MMP20: variants seen among roughly 807,000 people sequenced by gnomAD.
MMP20 encodes matrix metallopeptidase 20, also known as matrix metalloproteinase-20.
A neutral mutation model predicts 51.8 loss-of-function variants in MMP20; 50 were observed. The observed-to-expected ratio is 0.97, with a 90% CI of 0.77 to 1.22. The LOEUF is 1.22. Among genes scored for constraint, MMP20 ranks in the 50% most tolerant of loss-of-function variants. MMP20 has a pLI of 0.00. For synonymous variants in MMP20, 244 were observed against 216.2 expected (o/e 1.13, Z -1.13); for missense variants, 663 against 601.4 (o/e 1.10, Z -1.07).
chr11:102,599,709 A>G (rs1238498280), intron 6 of MMP20, among the ~76,000 whole-genome samples: 4 of 152,210 alleles, frequency 2.6e-5, no homozygotes, highest in Non-Finnish European at 5.9e-5. Flanking sequence ...TTGAAGTACA[A>G]ACTGTCATGT....
At chr11:102,591,588 T>C (rs1263154779) in intron 8 of MMP20, among the ~76,000 whole-genome samples, 2 of 152,326 alleles carry the variant, frequency 1.3e-5, no homozygotes, top group African/African-American at 2.4e-5. Context: ...AGGTTAGAAG[T>C]GCCTACGATG....
At chr11:102,611,700 A>G in intron 3 of MMP20, 55 bp downstream of exon 3, 1 of 1,593,188 alleles carries the variant, frequency 6.3e-7, no homozygotes, top group Non-Finnish European at 8.6e-7. Flanking sequence ...TAGAAGGAAC[A>G]GTATTGGGAC....
intron 8 of MMP20, among the ~76,000 whole-genome samples, chr11:102,586,072 T>G (rs1423483902): frequency 2.0e-5 from 3 of 152,180 alleles, no homozygotes; most frequent in Admixed American, 2.0e-4. Flanking sequence ...TTTTTTGTCA[T>G]GTTTCTGTGT....
intron 5 of MMP20, chr11:102,607,148 A>G (rs1289810335): frequency 5.5e-6 from 1 of 182,250 alleles, no homozygotes; most frequent in South Asian, 1.2e-4. Flanking sequence ...GTGTTTTCCT[A>G]TTATTTTCAT....
intron 8 of MMP20, among the ~76,000 whole-genome samples, chr11:102,586,820 A>G (rs549128957): frequency 1.1e-3 from 167 of 152,262 alleles, no homozygotes; most frequent in Non-Finnish European, 1.1e-3. Context: ...CCGCCTCAAA[A>G]AAAAAAAATT....
intron 8 of MMP20, among the ~76,000 whole-genome samples, chr11:102,589,446 A>G (rs1348398859): frequency 2.6e-5 from 4 of 152,184 alleles, no homozygotes; most frequent in African/African-American, 9.7e-5. Context: ...ATTTATCTAT[A>G]TATTTACCCT....
intron 1 of MMP20, among the ~76,000 whole-genome samples, chr11:102,624,401 CATATATATATATATATAT>C (rs58212685): frequency 5.2e-4 from 73 of 140,268 alleles, no homozygotes; most frequent in African/African-American, 1.6e-3. Context: ...CGCTTGGAAG[CATATATATATATATATAT>C]ATATATATAT....
intron 2 of MMP20, 52 bp from the exon 3 acceptor site, chr11:102,611,955 G>C: frequency 6.4e-7 from 1 of 1,553,490 alleles, no homozygotes; most frequent in Non-Finnish European, 8.9e-7. Flanking sequence ...TCCGAAGAAG[G>C]CAAGAATTAT....
chr11:102,581,625 C>A (rs1057261010), intron 8 of MMP20, among the ~76,000 whole-genome samples: 1 of 152,164 alleles, frequency 6.6e-6, no homozygotes, highest in Non-Finnish European at 1.5e-5. Context: ...GGAAGGCCCA[C>A]TGAATTTGAA....
intron 9 of MMP20, among the ~76,000 whole-genome samples, 169 bp downstream of exon 9, chr11:102,578,870 G>GT (rs1458989320): frequency 3.9e-5 from 6 of 152,210 alleles, no homozygotes; most frequent in Non-Finnish European, 8.8e-5. Context: ...AACTTTTACA[G>GT]TTACTCTTTC....
chr11:102,585,695 G>A (rs1450393514), intron 8 of MMP20, among the ~76,000 whole-genome samples: 3 of 152,136 alleles, frequency 2.0e-5, no homozygotes, highest in Non-Finnish European at 4.4e-5. Flanking sequence ...TAGGAGGAAT[G>A]CATCCAGTCT....
chr11:102,609,897 A>G lies in MMP20; in HGVS notation c.649+8T>C, dbSNP rs201250295. 1.4e-4 allele frequency: 226 copies of G among 1,614,020 alleles called. No individual in the cohort carries two copies. The highest frequency in any genetic ancestry group is 1.8e-4 in the Non-Finnish European group (215 of 1,180,012). ...TTTTCCAGGTTATGGTGAATTGTGC[A>G]TATATACCATTCGTTCCCATAGTCC... is the stretch of plus-strand genomic sequence containing the variant. On this transcript the variant is annotated splice_region_variant and intron_variant, in intron 4 of 9. Coordinates refer to ENST00000260228, the MANE Select transcript of MMP20 (RefSeq NM_004771.4).
intron 6 of MMP20, among the ~76,000 whole-genome samples, chr11:102,600,780 C>T (rs147890977): frequency 1.7e-4 from 26 of 152,276 alleles, no homozygotes; most frequent in African/African-American, 6.0e-4. Context: ...GCCATTGCGC[C>T]TGGCCCCATT....
intron 8 of MMP20, among the ~76,000 whole-genome samples, chr11:102,591,243 G>A (rs1165736257): frequency 6.6e-6 from 1 of 152,210 alleles, no homozygotes; most frequent in Non-Finnish European, 1.5e-5. Context: ...ATACACCAGT[G>A]TATGTGTTGG....
At chr11:102,586,631 G>A (rs1017304440) in intron 8 of MMP20, among the ~76,000 whole-genome samples, 3 of 152,010 alleles carry the variant, frequency 2.0e-5, no homozygotes, top group African/African-American at 7.3e-5. Context: ...GGCTAACACG[G>A]TGAAACCCCA....
At chr11:102,593,692 T>A in intron 7 of MMP20, 97 bp from the exon 8 acceptor site, 3 of 1,332,638 alleles carry the variant, frequency 2.3e-6, no homozygotes, top group Non-Finnish European at 3.2e-6. Flanking sequence ...TGGGGTTAGT[T>A]TATGGGATAC....
chr11:102,616,272 C>T (rs1859669012), intron 2 of MMP20, among the ~76,000 whole-genome samples: 2 of 152,232 alleles, frequency 1.3e-5, no homozygotes, highest in South Asian at 4.1e-4. Context: ...CAGTTCACTG[C>T]TTAGAGCTAT....
At chr11:102,609,327 A>T (rs149494544) in intron 4 of MMP20, among the ~76,000 whole-genome samples, 190 of 152,306 alleles carry the variant, frequency 1.2e-3, no homozygotes, top group African/African-American at 4.4e-3. Context: ...AATGCACATC[A>T]ATCCATTTTA....
chr11:102,600,882 C>T (rs1373579266), intron 6 of MMP20, among the ~76,000 whole-genome samples: 4 of 152,136 alleles, frequency 2.6e-5, no homozygotes, highest in Non-Finnish European at 5.9e-5. Flanking sequence ...AGTCCCTTTT[C>T]TTCAGTCCTC....
Sources: gnomAD v4.1 joint callset for allele counts (sites outside exome capture counted in the v4.1 genomes callset) on GRCh38, gnomAD v4.1.1 for gene constraint, MANE v1.5 for transcripts, NCBI Gene and HGNC (gene_info 2026-07-23, HGNC 2026-07-21) for gene names.